Variants in RANBP9 observed in about 807,000 individuals in gnomAD.
RANBP9 encodes the protein RAN binding protein 9.
Under a neutral mutation model 84.3 loss-of-function variants are expected in RANBP9, and 15 were observed. That is an observed-to-expected ratio of 0.18 (90% CI 0.12 to 0.27). The LOEUF (loss-of-function observed/expected upper bound fraction) is 0.27, where lower values mean the gene tolerates loss of function less well. Among genes scored for constraint, RANBP9 ranks in the 10% least tolerant of loss-of-function variants. The pLI, the probability that RANBP9 is intolerant of heterozygous loss-of-function variation, is 1.00. For missense variants in RANBP9, 809 were observed against 912.8 expected, an observed-to-expected ratio of 0.89 and a Z score of 1.46; for synonymous variants, 392 against 349.6, an observed-to-expected ratio of 1.12 and a Z score of -1.35.
At chr6:13,631,981 A>T (rs540063076) in intron 12 of RANBP9, among the ~76,000 whole-genome samples, 1 of 152,316 alleles carries the variant, frequency 6.6e-6, no homozygotes, top group Non-Finnish European at 1.5e-5. Flanking sequence ...CTAAAATGAG[A>T]TCTCAGACCT....
chr6:13,694,852 A>G (rs766611964), intron 2 of RANBP9, among the ~76,000 whole-genome samples: 26 of 152,276 alleles, frequency 1.7e-4, no homozygotes, highest in South Asian at 6.2e-4. Flanking sequence ...AACATAGTAT[A>G]TATAGAGTTC....
intron 5 of RANBP9, among the ~76,000 whole-genome samples, chr6:13,648,043 C>A (rs1765211496): frequency 6.6e-6 from 1 of 152,074 alleles, no homozygotes; most frequent in African/African-American, 2.4e-5. Flanking sequence ...TCCCCGTTCC[C>A]CCTGGCAACC....
rs547639426 is a variant in RANBP9, at chr6:13,621,669, A to G, written c.*693T>C. The G allele has an allele frequency of 6.5e-6, 1 of 152,780 alleles. No homozygotes were observed. The highest frequency in any genetic ancestry group is 6.5e-5 in the Admixed American group (1 of 15,296). The allele number at this position is 152,780 out of a possible 1,614,324, so 9.5% of individuals were successfully genotyped here. On this transcript the variant is annotated 3_prime_UTR_variant, in exon 14 of 14. Coordinates refer to ENST00000011619, the MANE Select transcript of RANBP9 (RefSeq NM_005493.3). ...AATAAAGGTCATAACCACACCGTTG[A>G]CATGTAATACTGTTATAATACAACA...
At chr6:13,667,929 G>A (rs1417917260) in intron 2 of RANBP9, among the ~76,000 whole-genome samples, 2 of 152,146 alleles carry the variant, frequency 1.3e-5, no homozygotes, top group East Asian at 3.9e-4. Context: ...TCTCTAATTA[G>A]TAATCCAATT....
At chr6:13,703,754 T>C (rs1483627080) in intron 1 of RANBP9, among the ~76,000 whole-genome samples, 1 of 152,232 alleles carries the variant, frequency 6.6e-6, no homozygotes, top group South Asian at 2.1e-4. Context: ...GTCATTTTAA[T>C]AGAATAGAAT....
At chr6:13,637,759 C>T (rs767147244) in intron 10 of RANBP9, 49 bp downstream of exon 10, 1 of 1,471,992 alleles carries the variant, frequency 6.8e-7, no homozygotes, top group Non-Finnish European at 9.1e-7. Flanking sequence ...ACGATTACAC[C>T]TATAACTAGG....
chr6:13,635,652 G>C (rs2127763177), intron 10 of RANBP9, among the ~76,000 whole-genome samples: 2 of 151,336 alleles, frequency 1.3e-5, no homozygotes, highest in South Asian at 4.2e-4. Flanking sequence ...TAGGGAAAAG[G>C]GGGATATGGC....
rs1584955861 is a variant in RANBP9, at chr6:13,711,685, T to G, written c.-180A>C. The G allele has an allele frequency of 2.6e-6, 1 of 383,736 alleles. No homozygotes were observed. The highest frequency in any genetic ancestry group is 4.1e-6 in the Non-Finnish European group (1 of 243,820). 23.8% of individuals were successfully genotyped at this position (383,736 alleles called of 1,614,324 possible). ...GTTGAGGAGCTCGGAGACGCGGGAGTAGGCGGCGGGCCCGGGAGGCCGGGA... is the reference window on the plus strand; with the variant it reads ...GTTGAGGAGCTCGGAGACGCGGGAGGAGGCGGCGGGCCCGGGAGGCCGGGA... On this transcript the variant is annotated 5_prime_UTR_variant, in exon 1 of 14. Transcript: ENST00000011619.
chr6:13,669,489 C>T (rs552106093), intron 2 of RANBP9, among the ~76,000 whole-genome samples: 100 of 152,280 alleles, frequency 6.6e-4, no homozygotes, highest in Non-Finnish European at 1.2e-3. Flanking sequence ...TAAAAAGCTA[C>T]AGTAACCAAG....
In RANBP9 at chr6:13,685,880, G is replaced by A. The variant is rs557267564; in HGVS notation, c.683+10905C>T. 4.8e-5 allele frequency among the ~76,000 whole-genome samples: 7 copies of A among 145,176 alleles called. No homozygotes were observed. In the East Asian group the frequency reaches 6.2e-4, roughly 13 times the overall value. ...TGGGAAGCAGAGATTGCAGTAAGCC[G>A]AAATTGCACCACTGCACTCCAGCCT... On this transcript the variant is annotated intron_variant, in intron 2 of 13. Transcript: ENST00000011619.
chr6:13,665,075 C>CTTAA (rs1266245227), intron 2 of RANBP9, among the ~76,000 whole-genome samples: 4 of 152,068 alleles, frequency 2.6e-5, no homozygotes, highest in African/African-American at 9.7e-5. Flanking sequence ...AAAAGTAAGC[C>CTTAA]TTAATCTCTA....
chr6:13,630,215 A>T lies in RANBP9; in HGVS notation c.1947+2155T>A, dbSNP rs550260859. Among the ~76,000 whole-genome samples, 86 of 152,290 alleles carry T rather than the reference A, an allele frequency of 5.6e-4. No individual in the cohort carries two copies. In the South Asian group the frequency reaches 0.018, roughly 31 times the overall value. The stretch of plus-strand genomic sequence containing the variant: ...GATGGAAGCAGCTCAGAGTATTAAG[A>T]AAGTCTCTGAAAGTAGCTGGCATTT... On this transcript the variant is annotated intron_variant, in intron 12 of 13. Coordinates refer to ENST00000011619, the MANE Select transcript of RANBP9 (RefSeq NM_005493.3).
chr6:13,641,273 T>G lies in RANBP9; in HGVS notation c.1260A>C (p.Gly420=). Reference sequence around the variant, plus strand: ...ACTGTTGTGTTGTTTCAATGGCTTCTCCCATTCTTCCTGCTAATACCAATT... The same window carrying G: ...ACTGTTGTGTTGTTTCAATGGCTTCGCCCATTCTTCCTGCTAATACCAATT... The part of the protein sequence containing the change: ...IQKLVLAGRM[G]EAIETTQQLY... Residue 420 remains glycine, a synonymous_variant, in exon 8 of 14, where the codon GGA becomes GGC. Transcript: ENST00000011619. The G allele has an allele frequency of 5.6e-6, 9 of 1,604,054 alleles. No individual in the cohort carries two copies. Among genetic ancestry groups the G allele is most frequent in the Non-Finnish European group, 7.7e-6 (9 of 1,175,706 alleles).
intron 1 of RANBP9, among the ~76,000 whole-genome samples, chr6:13,697,658 G>A (rs751234825): frequency 6.6e-6 from 1 of 151,968 alleles, no homozygotes; most frequent in East Asian, 1.9e-4. Flanking sequence ...CCTACCTCTC[G>A]CCCAAGACAC....
At chr6:13,698,569 T>G (rs1220284834) in intron 1 of RANBP9, among the ~76,000 whole-genome samples, 3 of 152,180 alleles carry the variant, frequency 2.0e-5, no homozygotes, top group Non-Finnish European at 2.9e-5. Flanking sequence ...CAGTTCTAAA[T>G]CCACTGATTT....
rs555077956 is a variant in RANBP9 at position 13,692,559 on chromosome 6, A to C, written c.683+4226T>G. 3.5e-5 allele frequency among the ~76,000 whole-genome samples: 5 copies of C among 143,328 alleles called. No individual in the cohort carries two copies. In the East Asian group the frequency reaches 8.4e-4, roughly 24 times the overall value. The allele number at this position is 143,328 out of a possible 152,430, so 94.0% of individuals were successfully genotyped here. On this transcript the variant is annotated intron_variant, in intron 2 of 13. Coordinates refer to ENST00000011619, the MANE Select transcript of RANBP9 (RefSeq NM_005493.3). ...AAAAAAAAAAAAAAAAAAAAACACA[A>C]AAAACAAAAAGGCAGGGCACAGTGG...
chr6:13,629,662 C>T (rs772898018), intron 12 of RANBP9, among the ~76,000 whole-genome samples: 8 of 152,110 alleles, frequency 5.3e-5, no homozygotes, highest in Non-Finnish European at 1.2e-4. Context: ...TTTCCACAGT[C>T]CCTACAACAA....
chr6:13,686,647 T>A (rs892936687), intron 2 of RANBP9, among the ~76,000 whole-genome samples: 1 of 151,962 alleles, frequency 6.6e-6, no homozygotes, highest in African/African-American at 2.4e-5. Context: ...CAGGCAATCC[T>A]CCCACCTCAG....
chr6:13,648,150 T>TG (rs1207569306), intron 5 of RANBP9, among the ~76,000 whole-genome samples: 1 of 137,986 alleles, frequency 7.2e-6, no homozygotes, highest in Non-Finnish European at 1.6e-5. Flanking sequence ...GGTTTTTTTT[T>TG]TTTTTTTTTT....
Sources: gnomAD v4.1 joint callset for allele counts (sites outside exome capture counted in the v4.1 genomes callset) on GRCh38, gnomAD v4.1.1 for gene constraint, MANE v1.5 for transcripts, NCBI Gene and HGNC (gene_info 2026-07-23, HGNC 2026-07-21) for gene names.